GMDS: variants seen among roughly 807,000 people sequenced by gnomAD.
GMDS encodes GDP-mannose 4,6-dehydratase, also known as GDP-mannose 4,6 dehydratase.
GMDS carries 20 observed loss-of-function variants against 49.9 expected under a neutral mutation model. The ratio of observed to expected loss-of-function variants is 0.40; its 90% CI spans 0.28 to 0.58. GMDS has a LOEUF of 0.58. Among genes scored for constraint, GMDS ranks in the 20% least tolerant of loss-of-function variants. The pLI is 0.42. For missense variants in GMDS, 362 were observed against 481.4 expected, an observed-to-expected ratio of 0.75 and a Z score of 2.32; for synonymous variants, 177 against 178.6, an observed-to-expected ratio of 0.99 and a Z score of 0.07.
intron 7 of GMDS, among the ~76,000 whole-genome samples, chr6:1,862,186 A>G (rs1303645473): frequency 6.6e-6 from 1 of 152,258 alleles, no homozygotes; most frequent in African/African-American, 2.4e-5. Context: ...CATTCTTCAT[A>G]AACCAGACCA....
intron 7 of GMDS, among the ~76,000 whole-genome samples, chr6:1,801,568 C>G (rs1769951485): frequency 6.6e-6 from 1 of 152,236 alleles, no homozygotes; most frequent in Admixed American, 6.5e-5. Context: ...CCCCACCCCA[C>G]CTCACTCCCG....
chr6:2,007,033 C>T (rs115984713), intron 4 of GMDS, among the ~76,000 whole-genome samples: 311 of 152,320 alleles, frequency 2.0e-3, no homozygotes, highest in African/African-American at 7.4e-3. Context: ...AAGAAAGTTT[C>T]ATATACAGTA....
intron 7 of GMDS, among the ~76,000 whole-genome samples, chr6:1,784,390 C>CAAAAAAAAAA (rs780517217): frequency 9.9e-5 from 4 of 40,478 alleles, no homozygotes; most frequent in African/African-American, 3.6e-4. Context: ...AGACTCGTCT[C>CAAAAAAAAAA]AAAAAAAAAA....
intron 4 of GMDS, among the ~76,000 whole-genome samples, chr6:1,970,649 A>G (rs996341168): frequency 1.3e-5 from 2 of 152,160 alleles, no homozygotes; most frequent in Admixed American, 1.3e-4. Context: ...AGAGGCTACA[A>G]AAGGGAGGCC....
At chr6:2,122,535 AT>A (rs139941232) in intron 2 of GMDS, among the ~76,000 whole-genome samples, 16,359 of 152,194 alleles carry the variant, frequency 0.11, 2,916 homozygotes, top group African/African-American at 0.37. Context: ...GCAGCTGATA[AT>A]TTGGGAAATT....
At chr6:1,856,250 GT>G (rs1217862937) in intron 7 of GMDS, among the ~76,000 whole-genome samples, 1 of 152,168 alleles carries the variant, frequency 6.6e-6, no homozygotes, top group African/African-American at 2.4e-5. Context: ...GGTGAATAAA[GT>G]TGCTGAAAAT....
At chr6:1,742,380 G>C in intron 8 of GMDS, 88 bp downstream of exon 8, 1 of 734,082 alleles carries the variant, frequency 1.4e-6, no homozygotes, top group Admixed American at 1.9e-5. Context: ...AGTGAAGGGG[G>C]AAGATGACAG....
At chr6:1,749,123 G>A (rs916123944) in intron 7 of GMDS, among the ~76,000 whole-genome samples, 1 of 152,184 alleles carries the variant, frequency 6.6e-6, no homozygotes, top group Admixed American at 6.5e-5. Context: ...GCCCCAGGAC[G>A]TGGCTGCCAC....
intron 7 of GMDS, among the ~76,000 whole-genome samples, chr6:1,893,121 G>A (rs952142433): frequency 3.9e-5 from 6 of 152,050 alleles, no homozygotes; most frequent in Admixed American, 2.6e-4. Context: ...GAGTGGAAAT[G>A]GGGGCCCAGC....
intron 1 of GMDS, among the ~76,000 whole-genome samples, chr6:2,166,783 C>A (rs1159852274): frequency 6.6e-6 from 1 of 152,200 alleles, no homozygotes; most frequent in African/African-American, 2.4e-5. Flanking sequence ...AAAAATGTGG[C>A]CAATGCTAAT....
At chr6:2,118,995 C>T (rs1329528506) in intron 2 of GMDS, among the ~76,000 whole-genome samples, 2 of 151,942 alleles carry the variant, frequency 1.3e-5, no homozygotes, top group Admixed American at 6.6e-5. Context: ...CACATATATA[C>T]TTATACATAG....
intron 4 of GMDS, among the ~76,000 whole-genome samples, chr6:2,021,858 T>C (rs1048196226): frequency 6.6e-6 from 1 of 152,196 alleles, no homozygotes; most frequent in Non-Finnish European, 1.5e-5. Flanking sequence ...GGAGCCAGGC[T>C]TCCTCAGCTG....
chr6:1,903,778 C>A (rs1035940795), intron 7 of GMDS, among the ~76,000 whole-genome samples: 1 of 93,612 alleles, frequency 1.1e-5, no homozygotes, highest in African/African-American at 2.9e-5. Context: ...TGCTTACGGG[C>A]GCCTCCCTCC....
chr6:1,624,682 C>T (rs1762790409), intron 9 of GMDS, 142 bp from the exon 10 acceptor site: 2 of 634,936 alleles, frequency 3.1e-6, no homozygotes, highest in East Asian at 5.5e-5. Context: ...CCCTGCTGTG[C>T]GCGTTCAGTT....
intron 1 of GMDS, among the ~76,000 whole-genome samples, chr6:2,240,827 T>C (rs1166298849): frequency 6.6e-6 from 1 of 152,204 alleles, no homozygotes; most frequent in Non-Finnish European, 1.5e-5. Context: ...ATTCAGTCTG[T>C]TGCATTTGCT....
At chr6:2,224,842 T>C (rs967021128) in intron 1 of GMDS, among the ~76,000 whole-genome samples, 2 of 152,340 alleles carry the variant, frequency 1.3e-5, no homozygotes, top group South Asian at 2.1e-4. Flanking sequence ...ATTAATATTA[T>C]GTGCCAGACA....
At chr6:1,751,098 T>A (rs1311936672) in intron 7 of GMDS, among the ~76,000 whole-genome samples, 1 of 152,054 alleles carries the variant, frequency 6.6e-6, no homozygotes, top group East Asian at 1.9e-4. Context: ...AAAACTCCCA[T>A]CTCCCTGGAA....
At chr6:2,055,909 C>T (rs1427630507) in intron 4 of GMDS, among the ~76,000 whole-genome samples, 3 of 152,068 alleles carry the variant, frequency 2.0e-5, no homozygotes, top group Admixed American at 6.5e-5. Flanking sequence ...GCCCAATACT[C>T]GCTTGAAATT....
intron 4 of GMDS, among the ~76,000 whole-genome samples, chr6:2,050,504 G>T (rs1321819083): frequency 6.6e-6 from 1 of 152,186 alleles, no homozygotes; most frequent in Non-Finnish European, 1.5e-5. Flanking sequence ...TAGAAAAAGA[G>T]GGAATCCTCC....
Sources: allele counts gnomAD v4.1 joint callset (sites outside exome capture counted in the v4.1 genomes callset), GRCh38; gene constraint gnomAD v4.1.1; transcripts MANE v1.5; gene names NCBI Gene and HGNC (gene_info 2026-07-23, HGNC 2026-07-21).